The following IL23R variants were observed in gnomAD, a reference collection of about 807,000 sequenced individuals.
IL23R encodes interleukin 23 receptor, also known as interleukin-23 receptor.
Under a neutral mutation model 56.9 loss-of-function variants are expected in IL23R, and 34 were observed. That is an observed-to-expected ratio of 0.60 (90% CI 0.45 to 0.80). The LOEUF is 0.80. Ranked by LOEUF, IL23R falls within the 30% of genes least tolerant of loss-of-function variation. The pLI is 0.00. For missense variants in IL23R, 635 were observed against 730.0 expected, an observed-to-expected ratio of 0.87 and a Z score of 1.50; for synonymous variants, 230 against 249.2, an observed-to-expected ratio of 0.92 and a Z score of 0.73.
chr1:67,194,315 A>G (rs1647976337), intron 4 of IL23R, among the ~76,000 whole-genome samples: 2 of 152,086 alleles, frequency 1.3e-5, no homozygotes, highest in South Asian at 2.1e-4. Flanking sequence ...GAAAGTTTCA[A>G]TCTTCTCATC....
At chr1:67,219,536 G>A in intron 6 of IL23R, 38 bp from the exon 7 acceptor site, 2 of 1,594,678 alleles carry the variant, frequency 1.3e-6, no homozygotes, top group Non-Finnish European at 8.6e-7. Flanking sequence ...TGTTTTAAAA[G>A]CACACCACAT....
In IL23R at chr1:67,210,880, A is replaced by T. The variant is rs937132976; in HGVS notation, c.798+3825A>T. On this transcript the variant is annotated intron_variant, in intron 6 of 10. Coordinates refer to ENST00000347310, the MANE Select transcript of IL23R (RefSeq NM_144701.3). ...ACTAAAATACATTAAACATAACTTAATTTTTCTTTGGTGCTAAGCATGATT... is the reference window on the plus strand; with the variant it reads ...ACTAAAATACATTAAACATAACTTATTTTTTCTTTGGTGCTAAGCATGATT... 4.6e-5 allele frequency among the ~76,000 whole-genome samples: 7 copies of T among 152,264 alleles called. No individual in the cohort carries two copies. In the East Asian group the frequency reaches 1.3e-3, roughly 29 times the overall value.
chr1:67,240,654 C>G (rs1182449433), intron 9 of IL23R, among the ~76,000 whole-genome samples: 1 of 152,184 alleles, frequency 6.6e-6, no homozygotes, highest in Non-Finnish European at 1.5e-5. Context: ...CTCAAATTTA[C>G]CTACAGTGCC....
At chr1:67,197,191 C>G (rs1371736373) in intron 4 of IL23R, among the ~76,000 whole-genome samples, 1 of 152,152 alleles carries the variant, frequency 6.6e-6, no homozygotes, top group East Asian at 1.9e-4. Context: ...GGAAGGCCCT[C>G]TAACCCAGAA....
At chr1:67,223,912 A>T (rs1650452086) in intron 7 of IL23R, among the ~76,000 whole-genome samples, 1 of 152,216 alleles carries the variant, frequency 6.6e-6, no homozygotes, top group South Asian at 2.1e-4. Flanking sequence ...TCTAAAGAAG[A>T]ATTATTGCAT....
chr1:67,165,202 C>T (rs1277840285), upstream of IL23R, among the ~76,000 whole-genome samples: 5 of 152,162 alleles, frequency 3.3e-5, no homozygotes, highest in African/African-American at 1.2e-4. Flanking sequence ...GAGCAAGACT[C>T]TGTCTCAAAA....
intron 1 of IL23R, among the ~76,000 whole-genome samples, chr1:67,156,622 C>A (rs149072906): frequency 9.8e-4 from 149 of 152,278 alleles, no homozygotes; most frequent in African/African-American, 2.4e-3. Flanking sequence ...AGGGGAAAAC[C>A]GCTTTCTAAA....
intron 7 of IL23R, among the ~76,000 whole-genome samples, chr1:67,220,735 G>A (rs540668958): frequency 1.3e-5 from 2 of 152,284 alleles, no homozygotes; most frequent in Non-Finnish European, 2.9e-5. Flanking sequence ...CCCAGGCATG[G>A]TGGCCCACGC....
intron 4 of IL23R, among the ~76,000 whole-genome samples, chr1:67,200,232 C>T (rs1278848465): frequency 1.3e-5 from 2 of 151,918 alleles, no homozygotes; most frequent in African/African-American, 2.4e-5. Flanking sequence ...TTGGTAGAGA[C>T]AGGGTTTCAC....
chr1:67,178,004 T>C (rs1325125793), intron 3 of IL23R, among the ~76,000 whole-genome samples: 2 of 151,700 alleles, frequency 1.3e-5, no homozygotes, highest in Non-Finnish European at 2.9e-5. Flanking sequence ...AGTATCCTGC[T>C]GTTTTTGTTA....
chr1:67,146,950 C>T (rs1319334148), intron 1 of IL23R, among the ~76,000 whole-genome samples: 1 of 152,156 alleles, frequency 6.6e-6, no homozygotes, highest in East Asian at 1.9e-4. Flanking sequence ...GGGATGGGCA[C>T]ATGATCTTGT....
intron 3 of IL23R, among the ~76,000 whole-genome samples, chr1:67,175,669 T>G (rs78963059): frequency 3.3e-5 from 5 of 152,178 alleles, no homozygotes; most frequent in African/African-American, 1.2e-4. Flanking sequence ...AAAATTTCCT[T>G]CCTTTTTAAG....
At chr1:67,151,083 C>T (rs1258345070) in intron 1 of IL23R, among the ~76,000 whole-genome samples, 3 of 152,172 alleles carry the variant, frequency 2.0e-5, no homozygotes, top group Admixed American at 6.5e-5. Flanking sequence ...AGTGTGAAAG[C>T]ATTCCTATTT....
chr1:67,216,542 A>G (rs1311715592), intron 6 of IL23R, among the ~76,000 whole-genome samples: 1 of 152,102 alleles, frequency 6.6e-6, no homozygotes, highest in African/African-American at 2.4e-5. Flanking sequence ...CAACTACTCA[A>G]CTCTGTGTTT....
chr1:67,156,209 C>T (rs1300255556), intron 1 of IL23R, among the ~76,000 whole-genome samples: 3 of 152,166 alleles, frequency 2.0e-5, no homozygotes, highest in African/African-American at 7.2e-5. Flanking sequence ...CCAGAGCTCT[C>T]CTGTATGAGG....
chr1:67,188,618 T>C (rs1300285977), intron 4 of IL23R, among the ~76,000 whole-genome samples: 2 of 152,248 alleles, frequency 1.3e-5, no homozygotes, highest in Admixed American at 6.5e-5. Flanking sequence ...TTCAGGTGAC[T>C]ATGACAAAGC....
intron 7 of IL23R, among the ~76,000 whole-genome samples, chr1:67,235,404 T>C (rs996866400): frequency 1.1e-3 from 169 of 151,986 alleles, no homozygotes; most frequent in Admixed American, 1.8e-3. Context: ...TTCTTTTTTT[T>C]TTTTTGTGAA....
At chr1:67,199,230 T>A (rs893378356) in intron 4 of IL23R, among the ~76,000 whole-genome samples, 1 of 152,220 alleles carries the variant, frequency 6.6e-6, no homozygotes, top group African/African-American at 2.4e-5. Context: ...ATTTTCAGGA[T>A]CCAGGCTATT....
intron 1 of IL23R, among the ~76,000 whole-genome samples, chr1:67,146,846 T>C (rs781584110): frequency 2.6e-5 from 4 of 152,206 alleles, no homozygotes; most frequent in Non-Finnish European, 5.9e-5. Flanking sequence ...TGCTAACAGC[T>C]ATACCCTTCT....
Sources: gnomAD v4.1 joint callset for allele counts (sites outside exome capture counted in the v4.1 genomes callset) on GRCh38, gnomAD v4.1.1 for gene constraint, MANE v1.5 for transcripts, NCBI Gene and HGNC (gene_info 2026-07-23, HGNC 2026-07-21) for gene names.